The following ASIC2 variants were observed in gnomAD, a reference collection of about 807,000 sequenced individuals.
The protein encoded by ASIC2 is acid sensing ion channel subunit 2.
Under a neutral mutation model 57.3 loss-of-function variants are expected in ASIC2, and 25 were observed. The observed-to-expected ratio is 0.44, with a 90% CI of 0.32 to 0.61. The LOEUF is 0.61. Ranked by LOEUF, ASIC2 falls within the 20% of genes least tolerant of loss-of-function variation. ASIC2 has a pLI of 0.06. For synonymous variants in ASIC2, 319 were observed against 307.5 expected (o/e 1.04, Z -0.39); for missense variants, 641 against 738.1 (o/e 0.87, Z 1.52).
intron 1 of ASIC2, among the ~76,000 whole-genome samples, chr17:33,318,084 A>T (rs1296712768): frequency 6.6e-6 from 1 of 152,146 alleles, no homozygotes. Context: ...CAGAGATTAA[A>T]CATCGTTAAG....
intron 1 of ASIC2, among the ~76,000 whole-genome samples, chr17:33,237,358 T>G (rs1237405477): frequency 6.6e-6 from 1 of 151,900 alleles, no homozygotes; most frequent in Non-Finnish European, 1.5e-5. Flanking sequence ...AGTAGTTTTT[T>G]TTTTTTTTTA....
chr17:34,089,235 G>A (rs1910234187), intron 1 of ASIC2, among the ~76,000 whole-genome samples: 1 of 152,150 alleles, frequency 6.6e-6, no homozygotes, highest in Non-Finnish European at 1.5e-5. Context: ...TGCTCAGGCA[G>A]AGGCTGTCCT....
intron 1 of ASIC2, among the ~76,000 whole-genome samples, chr17:33,860,818 T>C (rs1286991469): frequency 6.6e-6 from 1 of 152,244 alleles, no homozygotes; most frequent in Admixed American, 6.5e-5. Context: ...AGACACCAGT[T>C]GACCATTCAT....
intron 1 of ASIC2, among the ~76,000 whole-genome samples, chr17:33,491,607 A>G (rs1339421886): frequency 6.6e-6 from 1 of 152,224 alleles, no homozygotes; most frequent in Non-Finnish European, 1.5e-5. Flanking sequence ...GAGTTGATCT[A>G]ACATAGTCAT....
chr17:34,018,461 A>G (rs755468254), intron 1 of ASIC2, among the ~76,000 whole-genome samples: 1 of 152,226 alleles, frequency 6.6e-6, no homozygotes, highest in Non-Finnish European at 1.5e-5. Flanking sequence ...TCAAAGAGTA[A>G]TTGTGACTTT....
At chr17:33,056,044 G>A (rs540482489) in intron 3 of ASIC2, among the ~76,000 whole-genome samples, 2 of 152,356 alleles carry the variant, frequency 1.3e-5, no homozygotes, top group East Asian at 3.9e-4. Context: ...TCATGCTGGA[G>A]CTAGGTTGAG....
At chr17:33,024,104 T>C in intron 5 of ASIC2, 90 bp from the exon 6 acceptor site, 2 of 1,532,838 alleles carry the variant, frequency 1.3e-6, no homozygotes, top group Non-Finnish European at 1.8e-6. Flanking sequence ...AGCTGAGAAA[T>C]GAGCTGGGAA....
chr17:33,469,482 A>G (rs892120053), intron 1 of ASIC2, among the ~76,000 whole-genome samples: 3 of 152,152 alleles, frequency 2.0e-5, no homozygotes, highest in African/African-American at 7.2e-5. Flanking sequence ...GTTACTCCTA[A>G]AGCTGCAGGA....
At chr17:33,422,423 T>G (rs1911076285) in intron 1 of ASIC2, among the ~76,000 whole-genome samples, 1 of 152,048 alleles carries the variant, frequency 6.6e-6, no homozygotes, top group Admixed American at 6.6e-5. Flanking sequence ...TGACTGGGAG[T>G]GCTGGTCTGC....
intron 1 of ASIC2, among the ~76,000 whole-genome samples, chr17:33,967,347 C>T (rs1011802369): frequency 2.0e-5 from 3 of 152,036 alleles, no homozygotes; most frequent in Non-Finnish European, 4.4e-5. Context: ...GCAATCTTTC[C>T]ACCTCAGCCT....
intron 1 of ASIC2, among the ~76,000 whole-genome samples, chr17:33,310,833 GAGAT>G (rs937747742): frequency 2.5e-4 from 38 of 152,206 alleles, no homozygotes; most frequent in Non-Finnish European, 4.3e-4. Flanking sequence ...ATATAGGTAA[GAGAT>G]AGAGATACAT....
At chr17:33,996,509 C>T (rs1906166657) in intron 1 of ASIC2, among the ~76,000 whole-genome samples, 2 of 152,164 alleles carry the variant, frequency 1.3e-5, no homozygotes, top group Admixed American at 1.3e-4. Flanking sequence ...GTCTTTAATG[C>T]ATTTCAAGTT....
chr17:33,970,053 G>T (rs1053306364), intron 1 of ASIC2, among the ~76,000 whole-genome samples: 11 of 152,156 alleles, frequency 7.2e-5, no homozygotes, highest in African/African-American at 2.7e-4. Context: ...TTCCTCGGCA[G>T]TTCTGAGGCT....
intron 1 of ASIC2, among the ~76,000 whole-genome samples, chr17:33,773,720 T>A (rs555492794): frequency 4.0e-5 from 6 of 149,256 alleles, no homozygotes; most frequent in African/African-American, 1.5e-4. Flanking sequence ...AGTGGTGCAA[T>A]CATGACTCAC....
chr17:34,125,967 C>T (rs1911769086), intron 1 of ASIC2, among the ~76,000 whole-genome samples: 1 of 152,234 alleles, frequency 6.6e-6, no homozygotes, highest in Admixed American at 6.5e-5. Flanking sequence ...ACACGGCTAT[C>T]CCACATGTCA....
intron 1 of ASIC2, among the ~76,000 whole-genome samples, chr17:33,788,016 C>T (rs1402467631): frequency 6.6e-6 from 1 of 152,082 alleles, no homozygotes; most frequent in Non-Finnish European, 1.5e-5. Flanking sequence ...GACTTCATGA[C>T]AAAAACACCA....
chr17:33,810,424 A>T (rs1912385776), intron 1 of ASIC2, among the ~76,000 whole-genome samples: 1 of 152,222 alleles, frequency 6.6e-6, no homozygotes, highest in Non-Finnish European at 1.5e-5. Context: ...GGTGGGCATC[A>T]GGAGGCATCA....
In ASIC2 at chr17:33,013,948, G is replaced by A. The variant is rs771914832; in HGVS notation, c.*17C>T. The A allele has an allele frequency of 2.6e-6, 4 of 1,551,748 alleles. No individual in the cohort carries two copies. In the Admixed American group the frequency reaches 5.6e-5, roughly 22 times the overall value. ...TCAAGGTCTGTTTGGAGGGAGTGCT[G>A]GGTGACTCGAGGGGTGTCAGCAGGC... On this transcript the variant is annotated 3_prime_UTR_variant, in exon 10 of 10. Coordinates refer to ENST00000225823, the MANE Select transcript of ASIC2 (RefSeq NM_183377.2).
At chr17:33,749,903 A>G (rs954691722) in intron 1 of ASIC2, among the ~76,000 whole-genome samples, 1 of 152,122 alleles carries the variant, frequency 6.6e-6, no homozygotes, top group African/African-American at 2.4e-5. Flanking sequence ...GCCAACTCCA[A>G]GGCTGTGCTG....
Sources: allele counts gnomAD v4.1 joint callset (sites outside exome capture counted in the v4.1 genomes callset), GRCh38; gene constraint gnomAD v4.1.1; transcripts MANE v1.5; gene names NCBI Gene and HGNC (gene_info 2026-07-23, HGNC 2026-07-21).